The following R3HDM1 variants were observed in gnomAD, a reference collection of about 807,000 sequenced individuals.
R3HDM1 encodes the protein R3H domain-containing protein 1.
R3HDM1 carries 46 observed loss-of-function variants against 141.1 expected under a neutral mutation model. That is an observed-to-expected ratio of 0.33 (90% confidence interval 0.26 to 0.42). R3HDM1 has a LOEUF of 0.42. R3HDM1 is among the 10% of genes least tolerant of loss of function. R3HDM1 has a pLI of 1.00. For missense variants in R3HDM1, 1,184 were observed against 1,368.3 expected (o/e 0.87, Z 2.12); for synonymous variants, 435 against 472.9 (o/e 0.92, Z 1.04).
chr2:135,722,848 T>C (rs2076827179), intron 26 of R3HDM1, among the ~76,000 whole-genome samples: 1 of 152,112 alleles, frequency 6.6e-6, no homozygotes, highest in Non-Finnish European at 1.5e-5. Flanking sequence ...GAGAAAGGGT[T>C]TGTCCTTACA....
At chr2:135,648,578 C>T (rs955242464) in intron 16 of R3HDM1, among the ~76,000 whole-genome samples, 2 of 152,104 alleles carry the variant, frequency 1.3e-5, no homozygotes, top group East Asian at 3.8e-4. Context: ...CATCTACTTG[C>T]TTATGTGGCT....
chr2:135,656,391 GT>G (rs1372019844), intron 18 of R3HDM1: 1 of 151,670 alleles, frequency 6.6e-6, no homozygotes, highest in Admixed American at 6.6e-5. Flanking sequence ...CCAGATTCAG[GT>G]ATGCCACATT....
chr2:135,630,281 C>CAAAAAAAAAAAAAAA lies in R3HDM1; in HGVS notation c.498-1424_498-1410dup, dbSNP rs911009655. On this transcript the variant is annotated intron_variant, in intron 7 of 26. Transcript: ENST00000683871. Reference sequence around the variant, plus strand: ...AACAAGAGCGAAACTCCTTCTCAACCAAAAAAAAAAAAAAAAAAAAAAAAA... The same window carrying CAAAAAAAAAAAAAAA: ...AACAAGAGCGAAACTCCTTCTCAACCAAAAAAAAAAAAAAAAAAAAAAAAAAAAAAAAAAAAAAAA... Among the ~76,000 whole-genome samples the CAAAAAAAAAAAAAAA allele has an allele frequency of 6.6e-4, 26 of 39,314 alleles. 2 individuals are homozygous for CAAAAAAAAAAAAAAA. The highest frequency in any genetic ancestry group is 9.2e-4 in the African/African-American group (10 of 10,826). 25.8% of individuals were successfully genotyped at this position (39,314 alleles called of 152,430 possible). A position where few individuals can be genotyped will look rare whatever the true frequency, so the allele number is the denominator to read the frequency against.
intron 7 of R3HDM1, 148 bp from the exon 8 acceptor site, chr2:135,631,566 CATTA>C (rs992291954): frequency 9.5e-6 from 5 of 528,254 alleles, no homozygotes; most frequent in African/African-American, 8.0e-5. Context: ...TGTTTTAAAA[CATTA>C]ATAAATATTC....
At chr2:135,621,419 C>A in intron 5 of R3HDM1, 75 bp from the exon 6 acceptor site, 1 of 927,480 alleles carries the variant, frequency 1.1e-6, no homozygotes, top group East Asian at 2.7e-5. Flanking sequence ...CTGTGTTACT[C>A]AAAAAATATA....
chr2:135,534,612 T>G (rs1695641146), intron 1 of R3HDM1, among the ~76,000 whole-genome samples: 1 of 152,240 alleles, frequency 6.6e-6, no homozygotes, highest in African/African-American at 2.4e-5. Flanking sequence ...GAATGTCCAG[T>G]CAGGGTTCAA....
chr2:135,622,366 A>G, intron 6 of R3HDM1: 1 of 984,276 alleles, frequency 1.0e-6, no homozygotes, highest in South Asian at 4.7e-5. Context: ...GAGTATATAA[A>G]AGGATCTTTA....
Position 135,696,275 on chromosome 2 carries a change from C to T in R3HDM1, c.2460-13158C>T, listed in dbSNP as rs564632474. On this transcript the variant is annotated intron_variant, in intron 21 of 26. Coordinates refer to ENST00000683871, the MANE Select transcript of R3HDM1 (RefSeq NM_001378107.1). The stretch of plus-strand genomic sequence containing the variant: ...CCATTGATATTATAGAAAATAACAA[C>T]CTAATCTCTGTTGACAGCAGACAGA... Among the ~76,000 whole-genome samples, 9 of 152,142 alleles carry T rather than the reference C, an allele frequency of 5.9e-5. No homozygotes were observed. The East Asian group carries it at 1.4e-3, about 23-fold the overall frequency.
At chr2:135,573,384 G>T (rs1181455016) in intron 1 of R3HDM1, among the ~76,000 whole-genome samples, 1 of 152,142 alleles carries the variant, frequency 6.6e-6, no homozygotes, top group African/African-American at 2.4e-5. Context: ...CCTGGCATGT[G>T]ATCTCTTCAT....
Position 135,570,477 on chromosome 2 carries a change from T to C in R3HDM1, c.-249-32023T>C, listed in dbSNP as rs531028637. On this transcript the variant is annotated intron_variant, in intron 1 of 26. Coordinates refer to ENST00000683871, the MANE Select transcript of R3HDM1 (RefSeq NM_001378107.1). ...ACCTTCAGCCTCTCAAGAATCTATT[T>C]TGTATAACTTAATTAGCAGCTGAAA... Among the ~76,000 whole-genome samples, 27 of 152,360 alleles carry C rather than the reference T, an allele frequency of 1.8e-4. No individual in the cohort carries two copies. In the South Asian group the frequency reaches 5.4e-3, roughly 30 times the overall value.
chr2:135,536,526 C>T, intron 1 of R3HDM1: 2 of 926,442 alleles, frequency 2.2e-6, no homozygotes, highest in Non-Finnish European at 2.6e-6. Context: ...CTCCCTATAA[C>T]AACTTCATCT....
rs368696350 is a variant in R3HDM1 at position 135,632,011 on chromosome 2, A to G, written c.698+10A>G. 3.5e-5 allele frequency: 55 copies of G among 1,581,664 alleles called. No homozygotes were observed. Among genetic ancestry groups the G allele is most frequent in the Non-Finnish European group, 4.6e-5 (53 of 1,158,070 alleles). On this transcript the variant is annotated intron_variant, in intron 9 of 26. Coordinates refer to ENST00000683871, the MANE Select transcript of R3HDM1 (RefSeq NM_001378107.1). ...CTAGCAATACAAGAATGTAAGTGTC[A>G]AGAGATGTAACTACATATTATATAT...
intron 1 of R3HDM1, among the ~76,000 whole-genome samples, chr2:135,563,411 A>G (rs1702150483): frequency 6.6e-6 from 1 of 152,248 alleles, no homozygotes; most frequent in Non-Finnish European, 1.5e-5. Context: ...TCCTAGGTCC[A>G]GATTTGATCC....
chr2:135,590,660 T>TC, intron 1 of R3HDM1: 1 of 985,216 alleles, frequency 1.0e-6, no homozygotes, highest in Non-Finnish European at 1.2e-6. Flanking sequence ...GCTCTACATG[T>TC]ATAGTATGTA....
At position 135,616,812 on chromosome 2, in the gene R3HDM1, G is replaced by A. The variant is rs1457260645; in HGVS notation, c.303+55G>A. ...GACATGGTGGAACTGGAGAATTTTT[G>A]TATATGATTTAAGTTGTGTTTGTTA... On this transcript the variant is annotated intron_variant, in intron 5 of 26. Transcript: ENST00000683871. 26 of 1,395,066 alleles carry A rather than the reference G, an allele frequency of 1.9e-5. No individual in the cohort carries two copies. In the East Asian group the frequency reaches 1.9e-4, roughly 10 times the overall value. 86.4% of individuals were successfully genotyped at this position (1,395,066 alleles called of 1,614,324 possible).
At chr2:135,622,053 A>G (rs2061558010) in intron 6 of R3HDM1, 1 of 984,492 alleles carries the variant, frequency 1.0e-6, no homozygotes, top group Non-Finnish European at 1.2e-6. Flanking sequence ...GCAGATCAAT[A>G]GAAATGCTTT....
chr2:135,661,215 A>C, intron 18 of R3HDM1, 55 bp from the exon 19 acceptor site: 7 of 1,593,984 alleles, frequency 4.4e-6, no homozygotes, highest in Non-Finnish European at 6.0e-6. Context: ...CCTCACAGAA[A>C]AACATATGTA....
chr2:135,698,121 G>C (rs2073552572), intron 21 of R3HDM1, among the ~76,000 whole-genome samples: 1 of 149,830 alleles, frequency 6.7e-6, no homozygotes, highest in Middle Eastern at 3.5e-3. Flanking sequence ...TGTTAGAGGT[G>C]CATGAGACGG....
intron 2 of R3HDM1, among the ~76,000 whole-genome samples, chr2:135,603,570 A>G (rs1043156129): frequency 2.6e-5 from 4 of 152,034 alleles, no homozygotes; most frequent in Admixed American, 2.0e-4. Flanking sequence ...GCATTTCAGA[A>G]TAAGTTGTTT....
Sources: gnomAD v4.1 joint callset for allele counts (sites outside exome capture counted in the v4.1 genomes callset) on GRCh38, gnomAD v4.1.1 for gene constraint, MANE v1.5 for transcripts, NCBI Gene and HGNC (gene_info 2026-07-23, HGNC 2026-07-21) for gene names.